ADGRL4: variants seen among roughly 807,000 people sequenced by gnomAD.
The protein encoded by ADGRL4 is EGF, latrophilin and seven transmembrane domain containing 1.
ADGRL4 carries 90 observed loss-of-function variants against 74.8 expected under a neutral mutation model. The ratio of observed to expected loss-of-function variants is 1.20; its 90% CI spans 1.02 to 1.43. The LOEUF (loss-of-function observed/expected upper bound fraction) is 1.43. Among genes scored for constraint, ADGRL4 ranks in the 40% most tolerant of loss-of-function variants. ADGRL4 has a pLI of 0.00. For synonymous variants in ADGRL4, 311 were observed against 279.2 expected, an observed-to-expected ratio of 1.11 and a Z score of -1.14; for missense variants, 881 against 814.3, an observed-to-expected ratio of 1.08 and a Z score of -1.00.
intron 2 of ADGRL4, among the ~76,000 whole-genome samples, chr1:78,959,214 A>G (rs967543622): frequency 1.3e-5 from 2 of 152,214 alleles, no homozygotes; most frequent in African/African-American, 4.8e-5. Context: ...TCTCTGAGGT[A>G]TGCCTTTATG....
At chr1:78,901,134 C>T (rs1648509973) in intron 12 of ADGRL4, among the ~76,000 whole-genome samples, 1 of 152,030 alleles carries the variant, frequency 6.6e-6, no homozygotes, top group Non-Finnish European at 1.5e-5. Context: ...AATATTAATT[C>T]CATGCAATAT....
chr1:78,905,793 C>G (rs1648622486), intron 12 of ADGRL4, among the ~76,000 whole-genome samples: 1 of 152,038 alleles, frequency 6.6e-6, no homozygotes. Flanking sequence ...ATATTTAAAT[C>G]CCAGGTATCT....
chr1:78,930,061 T>C (rs1649205789), intron 7 of ADGRL4, among the ~76,000 whole-genome samples: 1 of 151,368 alleles, frequency 6.6e-6, no homozygotes. Context: ...TATTTTTGCT[T>C]CATTTATGGC....
chr1:78,894,052 C>T (rs1033896522), intron 12 of ADGRL4, among the ~76,000 whole-genome samples: 1 of 151,874 alleles, frequency 6.6e-6, no homozygotes, highest in Middle Eastern at 3.4e-3. Context: ...AGGCTAATCC[C>T]TTATGAAATC....
chr1:78,963,221 G>A (rs1436865304), intron 2 of ADGRL4, among the ~76,000 whole-genome samples: 1 of 152,116 alleles, frequency 6.6e-6, no homozygotes, highest in African/African-American at 2.4e-5. Context: ...GTTGTTTAAG[G>A]GCTAGCACAG....
chr1:79,003,611 G>A (rs560537091), intron 2 of ADGRL4, among the ~76,000 whole-genome samples: 31 of 152,050 alleles, frequency 2.0e-4, no homozygotes, highest in African/African-American at 7.0e-4. Flanking sequence ...GTTTTTAAAA[G>A]AAATCATTAG....
At chr1:78,963,583 T>A (rs1000118557) in intron 2 of ADGRL4, among the ~76,000 whole-genome samples, 2 of 152,200 alleles carry the variant, frequency 1.3e-5, no homozygotes, top group African/African-American at 4.8e-5. Flanking sequence ...ACCCTCCAGA[T>A]CAAATATGAC....
intron 7 of ADGRL4, among the ~76,000 whole-genome samples, chr1:78,932,156 TA>T (rs1282989301): frequency 2.0e-5 from 3 of 151,502 alleles, no homozygotes; most frequent in African/African-American, 7.4e-5. Flanking sequence ...GCACTTATTC[TA>T]AAATCGACTA....
intron 7 of ADGRL4, among the ~76,000 whole-genome samples, chr1:78,930,682 C>T (rs1649222557): frequency 6.6e-6 from 1 of 151,018 alleles, no homozygotes; most frequent in African/African-American, 2.5e-5. Context: ...AACTCCTGAC[C>T]TCATGATCCA....
At position 78,955,715 on chromosome 1, in the gene ADGRL4, T is replaced by C. The variant is rs75122692; in HGVS notation, c.173-9289A>G. 8.6e-3 allele frequency among the ~76,000 whole-genome samples: 1,308 copies of C among 152,200 alleles called. 14 individuals carry two copies. Among genetic ancestry groups the C allele is most frequent in the African/African-American group, 0.03 (1,236 of 41,548 alleles). On this transcript the variant is annotated intron_variant, in intron 2 of 14. Coordinates refer to ENST00000370742, the MANE Select transcript of ADGRL4 (RefSeq NM_022159.4). Reference sequence around the variant, plus strand: ...CCTGATGTAAAATGTTATTTTTTCATACTCAAAATACACTAATTTACTTAG... The same window carrying C: ...CCTGATGTAAAATGTTATTTTTTCACACTCAAAATACACTAATTTACTTAG...
intron 7 of ADGRL4, among the ~76,000 whole-genome samples, chr1:78,935,055 T>A (rs1347546235): frequency 6.6e-6 from 1 of 152,182 alleles, no homozygotes; most frequent in African/African-American, 2.4e-5. Flanking sequence ...CATTACTGGG[T>A]ATGTACCCAA....
At chr1:78,907,750 A>G (rs568220524) in intron 12 of ADGRL4, among the ~76,000 whole-genome samples, 27 of 152,058 alleles carry the variant, frequency 1.8e-4, no homozygotes, top group African/African-American at 5.8e-4. Flanking sequence ...TGAGATGGGA[A>G]GGTACATAGA....
At chr1:78,897,511 GC>G (rs1648422788) in intron 12 of ADGRL4, among the ~76,000 whole-genome samples, 1 of 151,890 alleles carries the variant, frequency 6.6e-6, no homozygotes, top group Non-Finnish European at 1.5e-5. Flanking sequence ...TTGCACCTTG[GC>G]TATAAATCCC....
At chr1:78,939,890 T>A (rs772090011) in intron 3 of ADGRL4, 1 of 152,572 alleles carries the variant, frequency 6.6e-6, no homozygotes, top group African/African-American at 2.4e-5. Context: ...CAGTTTCATG[T>A]CAAATTTTAC....
intron 1 of ADGRL4, 106 bp downstream of exon 1, chr1:79,006,527 T>C (rs895788236): frequency 7.7e-7 from 1 of 1,306,140 alleles, no homozygotes; most frequent in Non-Finnish European, 1.0e-6. Context: ...TCGGAGATTT[T>C]GCCAAATACA....
intron 2 of ADGRL4, among the ~76,000 whole-genome samples, chr1:78,980,633 G>C (rs1349053059): frequency 6.6e-6 from 1 of 151,900 alleles, no homozygotes; most frequent in African/African-American, 2.4e-5. Flanking sequence ...TTACCACTGA[G>C]AGTACTAGCT....
intron 2 of ADGRL4, among the ~76,000 whole-genome samples, chr1:78,951,023 C>T (rs764300220): frequency 5.3e-5 from 8 of 152,154 alleles, no homozygotes; most frequent in South Asian, 2.1e-4. Context: ...AGAAAGCTCA[C>T]GACTCCCTTC....
intron 2 of ADGRL4, among the ~76,000 whole-genome samples, chr1:78,973,161 C>G (rs1650205804): frequency 6.6e-6 from 1 of 151,934 alleles, no homozygotes; most frequent in Admixed American, 6.6e-5. Context: ...TAATTTGGTT[C>G]ATATTTTAGA....
In ADGRL4 at chr1:78,937,923, AC is replaced by A; in HGVS notation, c.643del (p.Val215Ter). The A allele has an allele frequency of 6.2e-7, 1 of 1,614,016 alleles. No homozygotes were observed. The highest frequency in any genetic ancestry group is 8.5e-7 in the Non-Finnish European group (1 of 1,179,942). ...DTFVVWDKLS[V>X]NHRRTHLTKL... ...TGTAAGATGTGTTCTCCTATGATTC[AC>A]AGATAACTTGTCCCAAACTACAAAT... is the stretch of plus-strand genomic sequence containing the variant. On this transcript the variant is annotated frameshift_variant, in exon 6 of 15. Transcript: ENST00000370742. LOFTEE classifies it high-confidence loss of function.
Sources: allele counts gnomAD v4.1 joint callset (sites outside exome capture counted in the v4.1 genomes callset), GRCh38; gene constraint gnomAD v4.1.1; transcripts MANE v1.5; gene names NCBI Gene and HGNC (gene_info 2026-07-23, HGNC 2026-07-21).